CHD2: variants seen among roughly 807,000 people sequenced by gnomAD.
CHD2 encodes the protein chromodomain helicase DNA binding protein 2, also known as ATP-dependent chromatin remodeler CHD2.
A neutral mutation model predicts 243.9 loss-of-function variants in CHD2; 28 were observed. That is an observed-to-expected ratio of 0.11 (90% CI 0.09 to 0.16). CHD2 has a LOEUF of 0.16. Ranked by LOEUF, CHD2 falls within the 10% of genes least tolerant of loss-of-function variation. CHD2 has a pLI of 1.00. For missense variants in CHD2, 1,386 were observed against 2,209.8 expected, an observed-to-expected ratio of 0.63 and a Z score of 7.47; for synonymous variants, 775 against 779.0, an observed-to-expected ratio of 0.99 and a Z score of 0.09.
chr15:92,971,211 C>T (rs2053836731), intron 17 of CHD2, among the ~76,000 whole-genome samples: 2 of 152,120 alleles, frequency 1.3e-5, no homozygotes, highest in South Asian at 4.2e-4. Flanking sequence ...AGAAGTATTT[C>T]AGATTTTGGG....
chr15:93,000,898 C>G (rs989265033), intron 32 of CHD2, among the ~76,000 whole-genome samples: 1 of 152,170 alleles, frequency 6.6e-6, no homozygotes, highest in African/African-American at 2.4e-5. Context: ...GATGAAGTCT[C>G]GCTCTTGTCC....
chr15:92,924,743 C>T (rs1340446571), intron 3 of CHD2, among the ~76,000 whole-genome samples, 191 bp downstream of exon 3: 1 of 152,106 alleles, frequency 6.6e-6, no homozygotes, highest in African/African-American at 2.4e-5. Context: ...AAATAAATGA[C>T]CTGAACCATC....
At chr15:92,972,617 C>T (rs1314191429) in intron 19 of CHD2, among the ~76,000 whole-genome samples, 200 bp downstream of exon 19, 1 of 10,818 alleles carries the variant, frequency 9.2e-5, no homozygotes, top group African/African-American at 1.3e-4. Context: ...TTTGGGAGGC[C>T]GAGGCGGGCG....
chr15:92,944,791 T>C (rs1467161375), intron 10 of CHD2: 2 of 198,784 alleles, frequency 1.0e-5, no homozygotes, highest in East Asian at 2.2e-4. Context: ...AGCTGATCAT[T>C]GGAGTGGAGA....
At chr15:92,920,627 C>G (rs1694934273) in intron 2 of CHD2, among the ~76,000 whole-genome samples, 1 of 152,132 alleles carries the variant, frequency 6.6e-6, no homozygotes, top group Admixed American at 6.5e-5. Flanking sequence ...GATTTTCAGT[C>G]TTTTTGTTGC....
At position 92,985,605 on chromosome 15, in the gene CHD2, G is replaced by A. The variant is rs2054031847; in HGVS notation, c.3345G>A (p.Lys1115=). 4.3e-6 allele frequency: 7 copies of A among 1,614,032 alleles called. No homozygotes were observed. Among genetic ancestry groups the A allele is most frequent in the Non-Finnish European group, 5.9e-6 (7 of 1,180,018 alleles). The change falls in exon 26 of 39, where the codon AAG becomes AAA. Residue 1115 remains lysine (K), a synonymous_variant. Transcript: ENST00000394196. ...ACTCTGATGATGACAAGAAGCCAAA[G>A]CGCAGAGGGCGTCCGAGGAGTGTGC... ...TEDSDDDKKP[K]RRGRPRSVRK...
chr15:92,978,525 G>A, intron 21 of CHD2, 142 bp downstream of exon 21: 2 of 835,780 alleles, frequency 2.4e-6, no homozygotes, highest in East Asian at 2.7e-5. Context: ...TTGTTAACTA[G>A]CACAGAGATG....
At chr15:92,973,262 T>C (rs1567147823) in intron 19 of CHD2, among the ~76,000 whole-genome samples, 1 of 152,188 alleles carries the variant, frequency 6.6e-6, no homozygotes, top group African/African-American at 2.4e-5. Flanking sequence ...TTCACACAGT[T>C]ATCTCCTATG....
At chr15:93,018,854 T>C (rs2054494975) in intron 37 of CHD2, among the ~76,000 whole-genome samples, 1 of 152,226 alleles carries the variant, frequency 6.6e-6, no homozygotes, top group Non-Finnish European at 1.5e-5. Context: ...CCAACCTAAA[T>C]TCAGGATGAT....
rs891440526 is a variant in CHD2 at position 92,998,907 on chromosome 15, C to A, written c.4008+286C>A. 6.6e-6 allele frequency among the ~76,000 whole-genome samples: 1 copy of A among 151,830 alleles called. No individual in the cohort carries two copies. Among genetic ancestry groups the A allele is most frequent in the Non-Finnish European group, 1.5e-5 (1 of 67,966 alleles). On this transcript the variant is annotated intron_variant, in intron 31 of 38. Transcript: ENST00000394196. This position sits in a 1 kb window ranked among gnomAD's most constrained non-coding sequence, Gnocchi z 5.1. ...GACCATCCTGGCTAATATGGTGAAA[C>A]CCCGTCTCTACTAAAAATACAAAAA...
At chr15:92,922,436 G>A (rs1037014820) in intron 2 of CHD2, among the ~76,000 whole-genome samples, 2 of 151,944 alleles carry the variant, frequency 1.3e-5, no homozygotes, top group African/African-American at 2.4e-5. Context: ...ACCTCCCCTC[G>A]ACCCCTGCTC....
chr15:92,950,718 A>T (rs888978132), intron 13 of CHD2, among the ~76,000 whole-genome samples: 1 of 151,026 alleles, frequency 6.6e-6, no homozygotes, highest in East Asian at 1.9e-4. Flanking sequence ...GCACCATTGC[A>T]CTCCAGCCTG....
chr15:92,948,193 A>G (rs1442298466), intron 12 of CHD2, among the ~76,000 whole-genome samples: 1 of 152,186 alleles, frequency 6.6e-6, no homozygotes, highest in Non-Finnish European at 1.5e-5. Context: ...AGGGAAAACC[A>G]AATTCACGCA....
At chr15:92,916,743 G>A (rs912527475) in intron 2 of CHD2, among the ~76,000 whole-genome samples, 2 of 152,052 alleles carry the variant, frequency 1.3e-5, no homozygotes, top group Admixed American at 6.6e-5. Context: ...TAGTAGAGAC[G>A]GGGTTTCACC....
chr15:92,979,654 T>C (rs1418215151), intron 22 of CHD2, among the ~76,000 whole-genome samples: 1 of 151,826 alleles, frequency 6.6e-6, no homozygotes, highest in East Asian at 1.9e-4. Flanking sequence ...TTTTTTACTA[T>C]TGGCAAAAAT....
At chr15:92,970,815 G>A (rs1044502540) in intron 17 of CHD2, among the ~76,000 whole-genome samples, 1 of 152,062 alleles carries the variant, frequency 6.6e-6, no homozygotes, top group Non-Finnish European at 1.5e-5. Context: ...AATAGTTCTG[G>A]AGTGAAGACC....
chr15:92,950,052 A>G (rs2141804846), intron 13 of CHD2, among the ~76,000 whole-genome samples: 1 of 152,346 alleles, frequency 6.6e-6, no homozygotes, highest in East Asian at 1.9e-4. Context: ...AATTAGGAGA[A>G]TAATAACATT....
At position 93,012,788 on chromosome 15, in the gene CHD2, T is replaced by C. The variant is rs975365283; in HGVS notation, c.4692+344T>C. 3.9e-5 allele frequency among the ~76,000 whole-genome samples: 6 copies of C among 152,358 alleles called. No individual in the cohort carries two copies. In the South Asian group the frequency reaches 6.2e-4, roughly 16 times the overall value. On this transcript the variant is annotated intron_variant, in intron 36 of 38. Coordinates refer to ENST00000394196, the MANE Select transcript of CHD2 (RefSeq NM_001271.4). ...TGGGCAGAAAATACTTTTTCTCTTC[T>C]TTTCTGGACCATCTATTTGGTGTCC...
chr15:93,001,717 A>G (rs2054259244), intron 32 of CHD2, among the ~76,000 whole-genome samples: 2 of 152,072 alleles, frequency 1.3e-5, no homozygotes, highest in African/African-American at 2.4e-5. Context: ...GGGTTTCACC[A>G]TGTTGGCCAG....
Sources: gnomAD v4.1 joint callset for allele counts (sites outside exome capture counted in the v4.1 genomes callset) on GRCh38, gnomAD v4.1.1 for gene constraint, Gnocchi (gnomAD v3.1) non-coding constraint, MANE v1.5 for transcripts, NCBI Gene and HGNC (gene_info 2026-07-23, HGNC 2026-07-21) for gene names.